Variants in POFUT3 observed in about 807,000 individuals in gnomAD.
POFUT3 encodes the protein GDP-fucose protein O-fucosyltransferase 3.
chr8:33,329,556 A>G, the POFUT3 span, among the ~76,000 whole-genome samples: 1 of 152,216 alleles, frequency 6.6e-6, no homozygotes, highest in Non-Finnish European at 1.5e-5. Context: ...AATACTGCAA[A>G]GGGAAAGTTA....
At chr8:33,401,754 G>T in the POFUT3 span, among the ~76,000 whole-genome samples, 3 of 152,054 alleles carry the variant, frequency 2.0e-5, no homozygotes, top group Non-Finnish European at 2.9e-5. Flanking sequence ...TTAAGGCCAG[G>T]CACGGTGGCT....
the POFUT3 span, among the ~76,000 whole-genome samples, chr8:33,467,035 G>A: frequency 2.0e-5 from 3 of 152,040 alleles, no homozygotes; most frequent in Non-Finnish European, 4.4e-5. Context: ...GAACCCAGGA[G>A]GCAGAGGTTG....
At chr8:33,428,627 G>C in the POFUT3 span, among the ~76,000 whole-genome samples, 1 of 151,410 alleles carries the variant, frequency 6.6e-6, no homozygotes, top group Non-Finnish European at 1.5e-5. Context: ...CTCCCAAAAA[G>C]CATGTGTTGG....
chr8:33,444,821 AAAT>A, the POFUT3 span, among the ~76,000 whole-genome samples: 31 of 152,246 alleles, frequency 2.0e-4, 2 homozygotes, highest in South Asian at 6.4e-3. Context: ...CCATCCCAAA[AAAT>A]AATAATAATT....
chr8:33,449,669 A>G, the POFUT3 span, among the ~76,000 whole-genome samples: 28 of 152,152 alleles, frequency 1.8e-4, no homozygotes, highest in East Asian at 5.2e-3. Flanking sequence ...GAAAAATCTT[A>G]AGCCAACATT....
the POFUT3 span, among the ~76,000 whole-genome samples, chr8:33,345,609 C>A: frequency 4.0e-5 from 6 of 150,988 alleles, no homozygotes; most frequent in South Asian, 2.1e-4. Context: ...CCATGTTGAC[C>A]AGGCTGGTTT....
At chr8:33,351,278 T>C in the POFUT3 span, among the ~76,000 whole-genome samples, 1 of 152,148 alleles carries the variant, frequency 6.6e-6, no homozygotes, top group African/African-American at 2.4e-5. Context: ...TTAAATATGT[T>C]TTAAAGTCAT....
chr8:33,317,460 G>A, the POFUT3 span, among the ~76,000 whole-genome samples: 1,032 of 152,182 alleles, frequency 6.8e-3, 7 homozygotes, highest in Non-Finnish European at 0.011. Context: ...AGAAATCAGG[G>A]AATCTTTGAA....
At chr8:33,350,328 T>G in the POFUT3 span, among the ~76,000 whole-genome samples, 1 of 152,182 alleles carries the variant, frequency 6.6e-6, no homozygotes, top group Admixed American at 6.5e-5. Context: ...GAAGGTATGT[T>G]GAGCCCCATC....
At chr8:33,342,935 A>T in the POFUT3 span, among the ~76,000 whole-genome samples, 1 of 151,950 alleles carries the variant, frequency 6.6e-6, no homozygotes, top group African/African-American at 2.4e-5. Flanking sequence ...GTGAAACTCC[A>T]TCTCTATTAA....
chr8:33,321,565 C>A, the POFUT3 span, among the ~76,000 whole-genome samples: 1 of 152,092 alleles, frequency 6.6e-6, no homozygotes, highest in African/African-American at 2.4e-5. Context: ...CCCAAAGATG[C>A]TCTCGAAAGT....
At chr8:33,472,715 G>A in the POFUT3 span, among the ~76,000 whole-genome samples, 1 of 152,222 alleles carries the variant, frequency 6.6e-6, no homozygotes, top group Non-Finnish European at 1.5e-5. Context: ...GCCGATCGGG[G>A]CAGGCGGGGA....
At chr8:33,341,622 G>A in the POFUT3 span, among the ~76,000 whole-genome samples, 1 of 151,892 alleles carries the variant, frequency 6.6e-6, no homozygotes, top group East Asian at 1.9e-4. Flanking sequence ...ATTAAAGGTG[G>A]GGGAAAGCCT....
chr8:33,431,159 C>T, the POFUT3 span, among the ~76,000 whole-genome samples: 1 of 152,004 alleles, frequency 6.6e-6, no homozygotes, highest in Non-Finnish European at 1.5e-5. Flanking sequence ...AAGCAGAGAC[C>T]ACTCATTTTG....
the POFUT3 span, among the ~76,000 whole-genome samples, chr8:33,410,214 AG>A: frequency 6.6e-6 from 1 of 152,318 alleles, no homozygotes; most frequent in African/African-American, 2.4e-5. Flanking sequence ...AGTACCAGGG[AG>A]GGGACCAGAG....
chr8:33,362,016 G>A, the POFUT3 span, among the ~76,000 whole-genome samples: 1 of 152,210 alleles, frequency 6.6e-6, no homozygotes, highest in Admixed American at 6.5e-5. Context: ...GGCAGCTAGA[G>A]AGAAAGGTTG....
the POFUT3 span, chr8:33,452,507 T>C: frequency 1.3e-5 from 2 of 152,164 alleles, no homozygotes; most frequent in Non-Finnish European, 2.9e-5. Context: ...TTACTAAGTA[T>C]GAATTCACAT....
At chr8:33,388,896 T>C in the POFUT3 span, 7 of 1,246,592 alleles carry the variant, frequency 5.6e-6, no homozygotes, top group Non-Finnish European at 8.2e-6. Flanking sequence ...CAGAAGGAAA[T>C]GCAGGAGAGC....
chr8:33,340,141 C>T, the POFUT3 span, among the ~76,000 whole-genome samples: 1 of 152,020 alleles, frequency 6.6e-6, no homozygotes, highest in Non-Finnish European at 1.5e-5. Context: ...ATATCTCACT[C>T]AAGCTGGTAA....
Sources: gnomAD v4.1 joint callset for allele counts (sites outside exome capture counted in the v4.1 genomes callset) on GRCh38, gnomAD v4.1.1 for gene constraint, MANE v1.5 for transcripts, NCBI Gene and HGNC (gene_info 2026-07-23, HGNC 2026-07-21) for gene names.